Variants in MAF observed in about 807,000 individuals in gnomAD.
The protein encoded by MAF is MAF bZIP transcription factor, also known as transcription factor Maf.
Under a neutral mutation model 22.0 loss-of-function variants are expected in MAF, and 10 were observed. The observed-to-expected ratio is 0.45, with a 90% confidence interval of 0.28 to 0.77. The LOEUF (loss-of-function observed/expected upper bound fraction) is 0.77, where lower values mean the gene tolerates loss of function less well. MAF is among the 30% of genes least tolerant of loss of function. The pLI is 0.12. For synonymous variants in MAF, 337 were observed against 255.8 expected, an observed-to-expected ratio of 1.32 and a Z score of -3.03; for missense variants, 544 against 548.4, an observed-to-expected ratio of 0.99 and a Z score of 0.08.
the MAF span, among the ~76,000 whole-genome samples, chr16:79,412,449 T>C: frequency 6.6e-6 from 1 of 152,220 alleles, no homozygotes; most frequent in Non-Finnish European, 1.5e-5. Context: ...CCCAGCCCTA[T>C]TGCTTGAATG....
chr16:79,251,940 T>G, the MAF span, among the ~76,000 whole-genome samples: 1 of 152,278 alleles, frequency 6.6e-6, no homozygotes, highest in Non-Finnish European at 1.5e-5. Flanking sequence ...TTTCTTCAAA[T>G]GAAATATTCC....
the MAF span, among the ~76,000 whole-genome samples, chr16:79,321,602 G>T: frequency 4.6e-3 from 690 of 150,294 alleles, 3 homozygotes; most frequent in African/African-American, 0.016. Flanking sequence ...AATCAGGAAA[G>T]AACAGAGGCC....
chr16:79,557,558 G>C, the MAF span, among the ~76,000 whole-genome samples: 3 of 152,012 alleles, frequency 2.0e-5, no homozygotes, highest in African/African-American at 7.3e-5. Context: ...ACGTGGCCTT[G>C]GGCGTGTTAC....
the MAF span, among the ~76,000 whole-genome samples, chr16:79,527,403 C>G: frequency 2.5e-4 from 38 of 152,314 alleles, no homozygotes; most frequent in Admixed American, 1.3e-3. Flanking sequence ...CATCTCAAGT[C>G]AGAAGAGCTA....
At chr16:79,541,599 C>A in the MAF span, among the ~76,000 whole-genome samples, 1 of 151,932 alleles carries the variant, frequency 6.6e-6, no homozygotes, top group African/African-American at 2.4e-5. Flanking sequence ...AAAGACGAGA[C>A]CCTAATTCAG....
chr16:79,231,158 G>A, the MAF span, among the ~76,000 whole-genome samples: 130 of 152,032 alleles, frequency 8.6e-4, 1 homozygote, highest in African/African-American at 3.1e-3. Context: ...CCACCTGGAT[G>A]TGAAATCTGG....
At chr16:79,431,029 T>C in the MAF span, among the ~76,000 whole-genome samples, 1 of 152,236 alleles carries the variant, frequency 6.6e-6, no homozygotes, top group Middle Eastern at 3.4e-3. Context: ...GGTGAATAGT[T>C]CCTTTGTGTG....
the MAF span, among the ~76,000 whole-genome samples, chr16:79,487,594 T>G: frequency 4.6e-5 from 7 of 152,250 alleles, no homozygotes; most frequent in African/African-American, 1.4e-4. Flanking sequence ...GTTGTCCGTT[T>G]GGATCCACTC....
chr16:79,497,994 G>T, the MAF span, among the ~76,000 whole-genome samples: 1 of 152,184 alleles, frequency 6.6e-6, no homozygotes, highest in Non-Finnish European at 1.5e-5. Flanking sequence ...TATGCACAGA[G>T]ACTATAAAAC....
At position 79,600,096 on chromosome 16, in the gene MAF, C is replaced by T. The variant is rs905014992; in HGVS notation, c.-194G>A. The T allele has an allele frequency of 1.6e-6, 1 of 627,178 alleles. No individual in the cohort carries two copies. The highest frequency in any genetic ancestry group is 3.2e-5 in the East Asian group (1 of 31,472). 38.9% of individuals were successfully genotyped at this position (627,178 alleles called of 1,614,324 possible). ...CACCCCCCCGCCCTGCCCGCGCCCC[C>T]CGCGCCCGCCCTCCCTCCCCCCTGC... On this transcript the variant is annotated 5_prime_UTR_variant, in exon 1 of 2. Coordinates refer to ENST00000326043, the MANE Select transcript of MAF (RefSeq NM_005360.5).
chr16:79,346,661 G>T, the MAF span, among the ~76,000 whole-genome samples: 2 of 152,102 alleles, frequency 1.3e-5, no homozygotes, highest in Non-Finnish European at 2.9e-5. Flanking sequence ...GGATCTACAC[G>T]ATACCAGGGA....
At chr16:79,207,862 T>C in the MAF span, among the ~76,000 whole-genome samples, 1 of 152,186 alleles carries the variant, frequency 6.6e-6, no homozygotes, top group Non-Finnish European at 1.5e-5. Flanking sequence ...AATATGCATT[T>C]GTATTCTGTG....
the MAF span, among the ~76,000 whole-genome samples, chr16:79,287,313 G>C: frequency 2.6e-5 from 4 of 152,254 alleles, no homozygotes; most frequent in South Asian, 2.1e-4. Flanking sequence ...GTTCAGCTAG[G>C]GGCAGAGAGG....
chr16:79,352,173 C>T, the MAF span, among the ~76,000 whole-genome samples: 1 of 152,186 alleles, frequency 6.6e-6, no homozygotes, highest in South Asian at 2.1e-4. Flanking sequence ...AAGCCACACC[C>T]TCAACTCAGA....
At position 79,600,654 on chromosome 16, in the gene MAF, G is replaced by C. The variant is rs533674566; in HGVS notation, c.-752C>G. ...GGGAAAGACGAGGCAGAGAGCAAAG[G>C]GGGGAGGGGGAGGCCAAGCCGACAA... is the stretch of plus-strand genomic sequence containing the variant. On this transcript the variant is annotated 5_prime_UTR_variant, in exon 1 of 2. Transcript: ENST00000326043. 8.7e-5 allele frequency: 17 copies of C among 196,450 alleles called. No homozygotes were observed. The highest frequency in any genetic ancestry group is 2.6e-4 in the African/African-American group (11 of 42,364). 12.2% of individuals were successfully genotyped at this position (196,450 alleles called of 1,614,324 possible).
chr16:79,247,880 T>G, the MAF span, among the ~76,000 whole-genome samples: 4 of 152,218 alleles, frequency 2.6e-5, no homozygotes, highest in Admixed American at 2.0e-4. Flanking sequence ...AAAATAGCCA[T>G]TGCCTGTAAA....
the MAF span, chr16:79,204,057 C>G: frequency 6.6e-6 from 1 of 152,138 alleles, no homozygotes; most frequent in Non-Finnish European, 1.5e-5. Flanking sequence ...AAGGACGACA[C>G]TATCAGTTAG....
At chr16:79,565,509 G>A in the MAF span, among the ~76,000 whole-genome samples, 19 of 152,096 alleles carry the variant, frequency 1.2e-4, no homozygotes, top group East Asian at 3.9e-4. Flanking sequence ...CGTGTTGTGG[G>A]GGGGGGGACC....
chr16:79,589,259 T>C (rs1384967246), downstream of MAF, among the ~76,000 whole-genome samples: 1 of 152,220 alleles, frequency 6.6e-6, no homozygotes, highest in Non-Finnish European at 1.5e-5. Flanking sequence ...GAGATGTGTC[T>C]AGAACTGTAT....
Sources: gnomAD v4.1 joint callset for allele counts (sites outside exome capture counted in the v4.1 genomes callset) on GRCh38, gnomAD v4.1.1 for gene constraint, MANE v1.5 for transcripts, NCBI Gene and HGNC (gene_info 2026-07-23, HGNC 2026-07-21) for gene names.